Variants in ERBB4 observed in about 807,000 individuals in gnomAD.
ERBB4 encodes receptor tyrosine-protein kinase erbB-4.
In ERBB4, 42 loss-of-function variants were observed where a neutral mutation model predicts 158.0. The ratio of observed to expected loss-of-function variants is 0.27; its 90% CI spans 0.21 to 0.34. The LOEUF is 0.34. ERBB4 is among the 10% of genes least tolerant of loss of function. The pLI, the probability that ERBB4 is intolerant of heterozygous loss-of-function variation, is 1.00. For missense variants in ERBB4, 1,333 were observed against 1,624.1 expected (o/e 0.82, Z 3.08); for synonymous variants, 583 against 558.7 (o/e 1.04, Z -0.61).
chr2:212,529,684 G>A (rs1273552674), intron 1 of ERBB4, among the ~76,000 whole-genome samples: 1 of 152,148 alleles, frequency 6.6e-6, no homozygotes, highest in African/African-American at 2.4e-5. Flanking sequence ...CACCACATTA[G>A]TCTCTGCAGA....
intron 4 of ERBB4, among the ~76,000 whole-genome samples, chr2:211,763,267 T>C (rs1383861096): frequency 2.6e-5 from 4 of 152,200 alleles, no homozygotes; most frequent in Non-Finnish European, 2.9e-5. Context: ...AATCTGTGTG[T>C]AGTATGGTCT....
chr2:211,856,331 G>A (rs914878118), intron 3 of ERBB4, among the ~76,000 whole-genome samples: 1 of 151,724 alleles, frequency 6.6e-6, no homozygotes, highest in East Asian at 1.9e-4. Context: ...TCTTCATTAA[G>A]TCACTTTTCT....
chr2:211,851,243 T>A (rs991876541), intron 3 of ERBB4, among the ~76,000 whole-genome samples: 16 of 152,038 alleles, frequency 1.1e-4, no homozygotes, highest in Admixed American at 9.9e-4. Context: ...TTACGTAATA[T>A]GAACTAATGA....
chr2:211,988,262 A>G (rs2081987006), intron 2 of ERBB4, among the ~76,000 whole-genome samples: 1 of 152,114 alleles, frequency 6.6e-6, no homozygotes, highest in Non-Finnish European at 1.5e-5. Context: ...CAAATAACAA[A>G]GAGTACTTAA....
chr2:211,679,034 C>A lies in ERBB4; in HGVS notation c.1622+18G>T, dbSNP rs767616665. ...TTCAAAGCTCATGAGGTGAAGGCAA[C>A]CCTAGAAGAAGCCTTACCCATCATA... is the stretch of plus-strand genomic sequence containing the variant. On this transcript the variant is annotated intron_variant, in intron 13 of 27. Transcript: ENST00000342788. The A allele has an allele frequency of 6.3e-7, 1 of 1,597,834 alleles. No individual in the cohort carries two copies. Among genetic ancestry groups the A allele is most frequent in the Non-Finnish European group, 8.5e-7 (1 of 1,170,380 alleles).
At chr2:212,206,655 C>T (rs1042783186) in intron 1 of ERBB4, among the ~76,000 whole-genome samples, 5 of 144,936 alleles carry the variant, frequency 3.4e-5, no homozygotes, top group African/African-American at 1.3e-4. Context: ...GGTGCTATCT[C>T]GGCTCACTGC....
chr2:212,021,914 C>T (rs570392868), intron 2 of ERBB4, among the ~76,000 whole-genome samples: 28 of 151,946 alleles, frequency 1.8e-4, no homozygotes, highest in South Asian at 2.1e-4. Flanking sequence ...AAGAAACATA[C>T]GAAGAAAAGC....
chr2:212,427,809 T>A (rs2091946847), intron 1 of ERBB4, among the ~76,000 whole-genome samples: 1 of 152,036 alleles, frequency 6.6e-6, no homozygotes, highest in Non-Finnish European at 1.5e-5. Context: ...TGAGAGCTTG[T>A]GGGGAAACGT....
chr2:212,440,493 A>G (rs989862404), intron 1 of ERBB4, among the ~76,000 whole-genome samples: 3 of 152,148 alleles, frequency 2.0e-5, no homozygotes, highest in Admixed American at 6.6e-5. Context: ...TTAATACTTA[A>G]TACATTCATA....
chr2:211,814,271 G>T (rs1346429361), intron 3 of ERBB4, among the ~76,000 whole-genome samples: 2 of 152,090 alleles, frequency 1.3e-5, no homozygotes, highest in Non-Finnish European at 2.9e-5. Flanking sequence ...AGAAAAATGT[G>T]TAACTTTACT....
At chr2:211,489,955 T>C (rs1228287702) in intron 20 of ERBB4, among the ~76,000 whole-genome samples, 2 of 152,036 alleles carry the variant, frequency 1.3e-5, no homozygotes, top group Non-Finnish European at 2.9e-5. Context: ...CTACTATAGC[T>C]TGAATGTGTC....
At chr2:211,602,046 G>A (rs1030890684) in intron 19 of ERBB4, among the ~76,000 whole-genome samples, 17 of 152,026 alleles carry the variant, frequency 1.1e-4, no homozygotes, top group South Asian at 2.1e-4. Flanking sequence ...GTCTCAGGAG[G>A]GATGCTGCAG....
intron 3 of ERBB4, among the ~76,000 whole-genome samples, chr2:211,869,321 A>T (rs547843825): frequency 1.3e-5 from 2 of 152,328 alleles, no homozygotes; most frequent in African/African-American, 4.8e-5. Context: ...AATCACTGTC[A>T]TCTCCCTGAG....
chr2:212,475,530 T>A (rs1337222279), intron 1 of ERBB4, among the ~76,000 whole-genome samples: 1 of 152,188 alleles, frequency 6.6e-6, no homozygotes, highest in African/African-American at 2.4e-5. Context: ...CTTCTCTGCA[T>A]AATTAAGCTA....
At chr2:211,802,769 C>T (rs534482000) in intron 3 of ERBB4, among the ~76,000 whole-genome samples, 30 of 152,320 alleles carry the variant, frequency 2.0e-4, no homozygotes, top group African/African-American at 6.0e-4. Context: ...ACAGAACCAT[C>T]TGCTTGTTGG....
chr2:211,556,378 T>C (rs968295132), intron 20 of ERBB4, among the ~76,000 whole-genome samples: 4 of 152,080 alleles, frequency 2.6e-5, no homozygotes, highest in African/African-American at 9.7e-5. Flanking sequence ...AGACAAATCA[T>C]TGAGACAAAA....
intron 20 of ERBB4, among the ~76,000 whole-genome samples, chr2:211,432,953 T>C (rs1053960426): frequency 1.3e-5 from 2 of 152,106 alleles, no homozygotes; most frequent in African/African-American, 4.8e-5. Context: ...GGCCCTTATG[T>C]AGTATAGCCT....
At chr2:212,527,822 T>C (rs900479869) in intron 1 of ERBB4, among the ~76,000 whole-genome samples, 1 of 150,928 alleles carries the variant, frequency 6.6e-6, no homozygotes, top group Non-Finnish European at 1.5e-5. Flanking sequence ...CATTTAGCAT[T>C]AGGTATATCT....
intron 3 of ERBB4, among the ~76,000 whole-genome samples, chr2:211,859,978 A>C (rs2106067635): frequency 6.6e-6 from 1 of 152,322 alleles, no homozygotes; most frequent in African/African-American, 2.4e-5. Flanking sequence ...AAAAATTGTT[A>C]ATGCAATCAT....
Sources: allele counts gnomAD v4.1 joint callset (sites outside exome capture counted in the v4.1 genomes callset), GRCh38; gene constraint gnomAD v4.1.1; transcripts MANE v1.5; gene names NCBI Gene and HGNC (gene_info 2026-07-23, HGNC 2026-07-21).